Variants in RGS10 observed in about 807,000 individuals in gnomAD.
The protein encoded by RGS10 is regulator of G-protein signalling 10.
Under a neutral mutation model 23.5 loss-of-function variants are expected in RGS10, and 11 were observed. The ratio of observed to expected loss-of-function variants is 0.47; its 90% CI spans 0.29 to 0.77. The LOEUF is 0.77. RGS10 is among the 30% of genes least tolerant of loss of function. RGS10 has a pLI of 0.08. For missense variants in RGS10, 180 were observed against 226.3 expected, an observed-to-expected ratio of 0.80 and a Z score of 1.31; for synonymous variants, 77 against 83.2, an observed-to-expected ratio of 0.92 and a Z score of 0.41.
chr10:119,501,532 G>A (rs1843952965), intron 4 of RGS10, among the ~76,000 whole-genome samples: 1 of 152,104 alleles, frequency 6.6e-6, no homozygotes, highest in Non-Finnish European at 1.5e-5. Context: ...AGACCAGCCT[G>A]GCCAATATGG....
At chr10:119,522,837 G>A (rs557521631) in intron 3 of RGS10, among the ~76,000 whole-genome samples, 2 of 151,950 alleles carry the variant, frequency 1.3e-5, no homozygotes, top group South Asian at 4.2e-4. Context: ...TAGGCAGCGG[G>A]ACTCACTAGG....
At chr10:119,518,098 T>C (rs1844167231) in intron 3 of RGS10, among the ~76,000 whole-genome samples, 1 of 152,216 alleles carries the variant, frequency 6.6e-6, no homozygotes, top group Admixed American at 6.5e-5. Flanking sequence ...GGAGCTATTT[T>C]GATAGATTTT....
Position 119,504,775 on chromosome 10 carries a change from T to C in RGS10, c.400-4516A>G, listed in dbSNP as rs376472984. Among the ~76,000 whole-genome samples the C allele has an allele frequency of 8.5e-5, 13 of 152,114 alleles. No individual in the cohort carries two copies. In the East Asian group the frequency reaches 9.7e-4, roughly 11 times the overall value. On this transcript the variant is annotated intron_variant, in intron 4 of 4. Transcript: ENST00000369103. ...GATGCAGCCACGTGCCAAGGAGCGC[T>C]AAGGAGTGCCGGCAGCCACCAGCAG...
intron 4 of RGS10, among the ~76,000 whole-genome samples, chr10:119,512,296 T>G (rs1844087635): frequency 6.6e-6 from 1 of 152,090 alleles, no homozygotes; most frequent in African/African-American, 2.4e-5. Context: ...CCCCTCAGCT[T>G]CAATCTCCTT....
Position 119,517,219 on chromosome 10 carries a change from G to A in RGS10, c.256-1567C>T, listed in dbSNP as rs895701817. Among the ~76,000 whole-genome samples, 2 of 152,196 alleles carry A rather than the reference G, an allele frequency of 1.3e-5. No individual in the cohort carries two copies. The highest frequency in any genetic ancestry group is 2.9e-5 in the Non-Finnish European group (2 of 68,026). On this transcript the variant is annotated intron_variant, in intron 3 of 4. Coordinates refer to ENST00000369103, the MANE Select transcript of RGS10 (RefSeq NM_001005339.2). The surrounding 1 kb of genome is among the most constrained non-coding windows in gnomAD (Gnocchi z 5.0). ...GGGACAAAAGATCCTGAGAAGCCAC[G>A]GCCTGGCCATGTCCTGTTCTGCGAG...
intron 4 of RGS10, among the ~76,000 whole-genome samples, chr10:119,514,947 A>C (rs1844125158): frequency 6.6e-6 from 1 of 152,176 alleles, no homozygotes; most frequent in East Asian, 1.9e-4. Context: ...CACCACTTCC[A>C]GGAGGCCCTC....
At chr10:119,526,855 T>C (rs1373569576) in intron 2 of RGS10, among the ~76,000 whole-genome samples, 1 of 151,888 alleles carries the variant, frequency 6.6e-6, no homozygotes, top group African/African-American at 2.4e-5. Context: ...CTAGATGGGA[T>C]CAACAGTTCC....
intron 4 of RGS10, among the ~76,000 whole-genome samples, chr10:119,507,629 G>C (rs1175610515): frequency 7.3e-6 from 1 of 136,268 alleles, no homozygotes; most frequent in Non-Finnish European, 1.5e-5. Flanking sequence ...CTGTTGCCCA[G>C]GCTGGAGTGC....
chr10:119,517,361 G>A lies in RGS10; in HGVS notation c.256-1709C>T, dbSNP rs1244037995. Among the ~76,000 whole-genome samples, 1 of 152,212 alleles carries A rather than the reference G, an allele frequency of 6.6e-6. No individual in the cohort carries two copies. The highest frequency in any genetic ancestry group is 1.5e-5 in the Non-Finnish European group (1 of 68,036). On this transcript the variant is annotated intron_variant, in intron 3 of 4. Coordinates refer to ENST00000369103, the MANE Select transcript of RGS10 (RefSeq NM_001005339.2). The surrounding 1 kb of genome is among the most constrained non-coding windows in gnomAD (Gnocchi z 5.0). ...GAGCAATGAATCGATGCCAGACTCAGTGACACAGGAGTCTCTCCAGACAAG... is the reference window on the plus strand; with the variant it reads ...GAGCAATGAATCGATGCCAGACTCAATGACACAGGAGTCTCTCCAGACAAG...
chr10:119,538,318 G>A lies in RGS10; in HGVS notation c.49+4272C>T, dbSNP rs1844408054. ...GTTCTCTGCCCCTTCAGAAATGGGTGCCTCCGGACAAGTCCCTGCCCCTTA... is the reference window on the plus strand; with the variant it reads ...GTTCTCTGCCCCTTCAGAAATGGGTACCTCCGGACAAGTCCCTGCCCCTTA... On this transcript the variant is annotated intron_variant, in intron 1 of 4. Coordinates refer to ENST00000369103, the MANE Select transcript of RGS10 (RefSeq NM_001005339.2). This position sits in a 1 kb window ranked among gnomAD's most constrained non-coding sequence, Gnocchi z 4.5. Among the ~76,000 whole-genome samples, 1 of 152,222 alleles carries A rather than the reference G, an allele frequency of 6.6e-6. No individual in the cohort carries two copies. Among genetic ancestry groups the A allele is most frequent in the Non-Finnish European group, 1.5e-5 (1 of 68,046 alleles).
chr10:119,509,828 G>C (rs1236610011), intron 4 of RGS10, among the ~76,000 whole-genome samples: 1 of 152,110 alleles, frequency 6.6e-6, no homozygotes, highest in Admixed American at 6.5e-5. Context: ...GTCAGACAGC[G>C]GCAGGGCTGG....
At chr10:119,537,593 G>C (rs1397417093) in intron 1 of RGS10, among the ~76,000 whole-genome samples, 1 of 152,166 alleles carries the variant, frequency 6.6e-6, no homozygotes, top group Non-Finnish European at 1.5e-5. Context: ...TGTCTGGCTG[G>C]AGAGAAAAAC....
chr10:119,519,755 G>GTCTGTCTCCCAGCT (rs1844191828), intron 3 of RGS10, among the ~76,000 whole-genome samples: 1 of 119,082 alleles, frequency 8.4e-6, no homozygotes, highest in Non-Finnish European at 1.7e-5. Context: ...GTCTCCCTGT[G>GTCTGTCTCCCAGCT]TCTGTCTCCC....
At chr10:119,501,953 T>C (rs3009905) in intron 4 of RGS10, among the ~76,000 whole-genome samples, 121 of 152,056 alleles carry the variant, frequency 8.0e-4, no homozygotes, top group Middle Eastern at 3.4e-3. Flanking sequence ...TAGGTTTTCT[T>C]TAAACTGTTA....
At chr10:119,529,304 AG>A (rs1327645201) in intron 1 of RGS10, among the ~76,000 whole-genome samples, 1 of 152,086 alleles carries the variant, frequency 6.6e-6, no homozygotes, top group African/African-American at 2.4e-5. Context: ...AATAAAAAAA[AG>A]TAGCTGGGTG....
intron 1 of RGS10, among the ~76,000 whole-genome samples, chr10:119,540,762 C>G (rs188744068): frequency 3.9e-4 from 59 of 152,246 alleles, no homozygotes; most frequent in African/African-American, 1.3e-3. Flanking sequence ...TAATAAGTAA[C>G]GCGTACAGGG....
At position 119,542,678 on chromosome 10, in the gene RGS10, G is replaced by T; in HGVS notation, c.-40C>A. 1.5e-6 allele frequency: 2 copies of T among 1,336,594 alleles called. No individual in the cohort carries two copies. Among genetic ancestry groups the T allele is most frequent in the Non-Finnish European group, 9.6e-7 (1 of 1,043,944 alleles). The allele number at this position is 1,336,594 out of a possible 1,614,324, so 82.8% of individuals were successfully genotyped here. A position where few individuals can be genotyped will look rare whatever the true frequency, so the allele number is the denominator to read the frequency against. On this transcript the variant is annotated 5_prime_UTR_variant, in exon 1 of 5. Coordinates refer to ENST00000369103, the MANE Select transcript of RGS10 (RefSeq NM_001005339.2). ...GAGGAGGAAGAAGGAGCAGCCCGGC[G>T]GCGCGGCGGCTGAGCCGGAGGAAGG...
chr10:119,521,869 G>A (rs1050521065), intron 3 of RGS10, among the ~76,000 whole-genome samples: 1 of 152,134 alleles, frequency 6.6e-6, no homozygotes, highest in Admixed American at 6.5e-5. Flanking sequence ...TAGGAGAGTA[G>A]GGAAAAAAAT....
chr10:119,515,990 G>A (rs1844138510), intron 3 of RGS10, among the ~76,000 whole-genome samples: 1 of 152,220 alleles, frequency 6.6e-6, no homozygotes, highest in Admixed American at 6.5e-5. Flanking sequence ...AGTGGCTCAT[G>A]CCTGTAATCC....
Sources: gnomAD v4.1 joint callset for allele counts (sites outside exome capture counted in the v4.1 genomes callset) on GRCh38, gnomAD v4.1.1 for gene constraint, Gnocchi (gnomAD v3.1) non-coding constraint, MANE v1.5 for transcripts, NCBI Gene and HGNC (gene_info 2026-07-23, HGNC 2026-07-21) for gene names.